The following MARCHF1 variants were observed in gnomAD, a reference collection of about 807,000 sequenced individuals.
The protein encoded by MARCHF1 is E3 ubiquitin-protein ligase MARCHF1.
MARCHF1 carries 40 observed loss-of-function variants against 54.2 expected under a neutral mutation model. That is an observed-to-expected ratio of 0.74 (90% CI 0.57 to 0.96). The LOEUF is 0.96. Ranked by LOEUF, MARCHF1 falls within the 40% of genes least tolerant of loss-of-function variation. The pLI, the probability that MARCHF1 is intolerant of heterozygous loss-of-function variation, is 0.00. For missense variants in MARCHF1, 586 were observed against 656.5 expected (o/e 0.89, Z 1.17); for synonymous variants, 236 against 236.3 (o/e 1.00, Z 0.01).
chr4:163,942,933 CA>C (rs375426772), intron 3 of MARCHF1, among the ~76,000 whole-genome samples: 4,187 of 139,382 alleles, frequency 0.03, 60 homozygotes, highest in African/African-American at 0.046. Flanking sequence ...ACCTCTCTTC[CA>C]AAAAAAAAAA....
chr4:163,934,107 A>T (rs960904424), intron 3 of MARCHF1, among the ~76,000 whole-genome samples: 1 of 152,206 alleles, frequency 6.6e-6, no homozygotes, highest in African/African-American at 2.4e-5. Flanking sequence ...AGATATGTGC[A>T]CATGTGTGGG....
At chr4:163,571,971 G>A (rs1739854780) in intron 8 of MARCHF1, among the ~76,000 whole-genome samples, 1 of 152,052 alleles carries the variant, frequency 6.6e-6, no homozygotes, top group Admixed American at 6.6e-5. Context: ...CTGGCTTCCA[G>A]TCACTTTTCA....
intron 2 of MARCHF1, among the ~76,000 whole-genome samples, chr4:164,079,930 G>T (rs1018046553): frequency 1.3e-5 from 2 of 152,128 alleles, no homozygotes; most frequent in African/African-American, 4.8e-5. Context: ...CTACTACACT[G>T]GTAGCTCCCA....
At chr4:164,117,437 A>T (rs1755961635) in intron 1 of MARCHF1, among the ~76,000 whole-genome samples, 1 of 152,000 alleles carries the variant, frequency 6.6e-6, no homozygotes, top group Admixed American at 6.6e-5. Flanking sequence ...TTAGATCTGA[A>T]TTGGGCTGTA....
At position 164,110,123 on chromosome 4, in the gene MARCHF1, T is replaced by TACACACACACACACAC. The variant is rs70948699; in HGVS notation, c.-248+1449_-248+1464dup. 6.9e-4 allele frequency among the ~76,000 whole-genome samples: 101 copies of TACACACACACACACAC among 146,020 alleles called. 1 individual carries two copies. The highest frequency in any genetic ancestry group is 2.4e-3 in the African/African-American group (96 of 39,852). ...TTAAAAAACCCATTGGAATTGGAGATACACACACACACACACACACACACA... is the reference window on the plus strand; with the variant it reads ...TTAAAAAACCCATTGGAATTGGAGATACACACACACACACACACACACACACACACACACACACACA... On this transcript the variant is annotated intron_variant, in intron 2 of 9. Transcript: ENST00000514618.
At chr4:163,822,510 T>G (rs1454572602) in intron 4 of MARCHF1, among the ~76,000 whole-genome samples, 1 of 151,934 alleles carries the variant, frequency 6.6e-6, no homozygotes, top group East Asian at 1.9e-4. Flanking sequence ...ATACGATTCT[T>G]TTTAAAAAAT....
intron 2 of MARCHF1, among the ~76,000 whole-genome samples, chr4:164,068,439 G>C (rs1754778924): frequency 6.6e-6 from 1 of 152,170 alleles, no homozygotes; most frequent in Non-Finnish European, 1.5e-5. Flanking sequence ...GGCGCTTGTG[G>C]GCCAGCATGA....
Position 163,889,919 on chromosome 4 carries a change from C to CTTTTTCTTTTTTTTTTTTTTT in MARCHF1, c.-38-35751_-38-35750insAAAAAAAAAAAAAAAGAAAAA, listed in dbSNP as rs1750618978. ...ATGTTAAACTTCGTTTATTTATTTT[C>CTTTTTCTTTTTTTTTTTTTTT]TTTTTTCTTTTTTTTTTTTTTTTGA... On this transcript the variant is annotated intron_variant, in intron 3 of 9. Coordinates refer to ENST00000514618, the MANE Select transcript of MARCHF1 (RefSeq NM_001394959.1). Among the ~76,000 whole-genome samples, 2 of 117,238 alleles carry CTTTTTCTTTTTTTTTTTTTTT rather than the reference C, an allele frequency of 1.7e-5. 1 individual carries two copies. The highest frequency in any genetic ancestry group is 3.3e-5 in the Non-Finnish European group (2 of 59,706). The allele number at this position is 117,238 out of a possible 152,430, so 76.9% of individuals were successfully genotyped here.
chr4:163,936,400 T>C (rs1751795651), intron 3 of MARCHF1, among the ~76,000 whole-genome samples: 1 of 152,120 alleles, frequency 6.6e-6, no homozygotes, highest in South Asian at 2.1e-4. Context: ...TGAAACACAA[T>C]AAAAGTGAAC....
intron 4 of MARCHF1, among the ~76,000 whole-genome samples, chr4:163,702,002 C>T (rs1257279684): frequency 6.6e-6 from 1 of 152,146 alleles, no homozygotes; most frequent in Non-Finnish European, 1.5e-5. Context: ...ACAGTGATGA[C>T]AGGATATGGC....
At chr4:164,199,478 C>A (rs1308358384) in intron 1 of MARCHF1, among the ~76,000 whole-genome samples, 1 of 151,846 alleles carries the variant, frequency 6.6e-6, no homozygotes, top group Non-Finnish European at 1.5e-5. Flanking sequence ...CTGGTTGTTA[C>A]CAAAAAATAC....
intron 5 of MARCHF1, among the ~76,000 whole-genome samples, chr4:163,683,072 T>C (rs1253088428): frequency 6.6e-6 from 1 of 152,228 alleles, no homozygotes; most frequent in Non-Finnish European, 1.5e-5. Flanking sequence ...CCTTTTCTAC[T>C]TTGCATAGAG....
At chr4:163,804,495 T>C (rs1270298833) in intron 4 of MARCHF1, among the ~76,000 whole-genome samples, 1 of 152,146 alleles carries the variant, frequency 6.6e-6, no homozygotes, top group Non-Finnish European at 1.5e-5. Flanking sequence ...TAAACCACTG[T>C]TCAATAGAAA....
chr4:163,559,086 C>G (rs1739386425), intron 8 of MARCHF1, among the ~76,000 whole-genome samples: 1 of 152,122 alleles, frequency 6.6e-6, no homozygotes, highest in African/African-American at 2.4e-5. Context: ...CTTTCTAGCC[C>G]TATAGCCCCC....
At chr4:163,838,160 T>C (rs1414826438) in intron 4 of MARCHF1, among the ~76,000 whole-genome samples, 1 of 152,132 alleles carries the variant, frequency 6.6e-6, no homozygotes, top group Non-Finnish European at 1.5e-5. Flanking sequence ...CCCAGTTATC[T>C]GTGAAAGACT....
intron 1 of MARCHF1, chr4:164,188,622 A>G: frequency 1.0e-6 from 1 of 999,516 alleles, no homozygotes; most frequent in Non-Finnish European, 1.6e-6. Context: ...GCCGCCACGA[A>G]CCAGCTCACC....
rs528271543 is a variant in MARCHF1, at chr4:163,835,225, C to T, written c.111+18796G>A. The stretch of plus-strand genomic sequence containing the variant: ...AATTATATTTATAGGGAATAAATTC[C>T]ATCATAACTACCAGGATAGCATTCT... On this transcript the variant is annotated intron_variant, in intron 4 of 9. Coordinates refer to ENST00000514618, the MANE Select transcript of MARCHF1 (RefSeq NM_001394959.1). Among the ~76,000 whole-genome samples, 277 of 152,118 alleles carry T rather than the reference C, an allele frequency of 1.8e-3. 1 individual carries two copies. Among genetic ancestry groups the T allele is most frequent in the African/African-American group, 6.4e-3 (267 of 41,468 alleles).
chr4:163,653,714 G>A (rs979360605), intron 5 of MARCHF1, among the ~76,000 whole-genome samples: 1 of 151,738 alleles, frequency 6.6e-6, no homozygotes, highest in Non-Finnish European at 1.5e-5. Flanking sequence ...TAGATGAGTG[G>A]ATTTGAAGAT....
At chr4:164,040,952 A>G (rs1184592031) in intron 2 of MARCHF1, among the ~76,000 whole-genome samples, 4 of 152,118 alleles carry the variant, frequency 2.6e-5, no homozygotes. Context: ...AACTGTGTGC[A>G]TATTTTAGTG....
Sources: allele counts gnomAD v4.1 joint callset (sites outside exome capture counted in the v4.1 genomes callset), GRCh38; gene constraint gnomAD v4.1.1; transcripts MANE v1.5; gene names NCBI Gene and HGNC (gene_info 2026-07-23, HGNC 2026-07-21).